The following TEX26 variants were observed in gnomAD, a reference collection of about 807,000 sequenced individuals.
The protein encoded by TEX26 is testis-expressed protein 26.
TEX26 carries 34 observed loss-of-function variants against 35.3 expected under a neutral mutation model. The ratio of observed to expected loss-of-function variants is 0.96; its 90% CI spans 0.73 to 1.28. TEX26 has a LOEUF of 1.28. TEX26 is among the 50% of genes most tolerant of loss of function. The pLI, the probability that TEX26 is intolerant of heterozygous loss-of-function variation, is 0.00. For synonymous variants in TEX26, 136 were observed against 111.8 expected (o/e 1.22, Z -1.36); for missense variants, 371 against 330.1 (o/e 1.12, Z -0.96).
chr13:30,961,823 T>C (rs1462867706), intron 4 of TEX26, among the ~76,000 whole-genome samples: 2 of 152,242 alleles, frequency 1.3e-5, no homozygotes, highest in African/African-American at 2.4e-5. Context: ...TGTTCTTGCA[T>C]TTCTGTGTTG....
chr13:30,936,847 G>T (rs947533361), intron 1 of TEX26: 1 of 985,408 alleles, frequency 1.0e-6, no homozygotes, highest in Non-Finnish European at 1.2e-6. Flanking sequence ...GTAGTGACTT[G>T]CAGAGAACAT....
At chr13:30,942,226 G>A (rs1274620459) in intron 2 of TEX26, among the ~76,000 whole-genome samples, 1 of 152,058 alleles carries the variant, frequency 6.6e-6, no homozygotes, top group Non-Finnish European at 1.5e-5. Flanking sequence ...TTGCAGGAGT[G>A]GGGTGGTATC....
intron 1 of TEX26, among the ~76,000 whole-genome samples, chr13:30,935,587 G>A (rs1312774140): frequency 1.3e-5 from 2 of 152,216 alleles, no homozygotes; most frequent in Admixed American, 1.3e-4. Context: ...CAGAAAGGAA[G>A]GAGTACCCTC....
intron 2 of TEX26, among the ~76,000 whole-genome samples, chr13:30,949,355 G>A (rs1953837466): frequency 6.6e-6 from 1 of 151,972 alleles, no homozygotes; most frequent in African/African-American, 2.4e-5. Context: ...TGAACATTTA[G>A]CTTATCCGGT....
In TEX26 at chr13:30,957,004, G is replaced by A. The variant is rs775828326; in HGVS notation, c.444G>A (p.Lys148=). 3 of 1,614,164 alleles carry A rather than the reference G, an allele frequency of 1.9e-6. No homozygotes were observed. Among genetic ancestry groups the A allele is most frequent in the South Asian group, 2.2e-5 (2 of 91,080 alleles). ...ALSNQFISLT[K]RDFVDRSKAQ... ...CAAATCAGTTTATTTCCCTTACTAA[G>A]AGAGACTTTGTGGACAGATCAAAAG... Residue 148 remains lysine, a synonymous_variant, in exon 4 of 7, where the codon AAG becomes AAA. Transcript: ENST00000380473.
chr13:30,972,443 G>A (rs951448711), intron 6 of TEX26, among the ~76,000 whole-genome samples: 2 of 151,198 alleles, frequency 1.3e-5, no homozygotes, highest in Non-Finnish European at 2.9e-5. Flanking sequence ...TCAGAAGAAA[G>A]GATTTTTTTC....
intron 2 of TEX26, among the ~76,000 whole-genome samples, chr13:30,951,850 G>A (rs1953932721): frequency 6.6e-6 from 1 of 150,938 alleles, no homozygotes; most frequent in African/African-American, 2.4e-5. Context: ...TTAAAAGGCA[G>A]TGGTTTGAAA....
At position 30,974,937 on chromosome 13, in the gene TEX26, C is replaced by T; in HGVS notation, c.*30C>T. ...GGAAAATAGTACAAATGAAGAAAAT[C>T]TGAAAATCAATGGAAGCACGAGGAC... On this transcript the variant is annotated 3_prime_UTR_variant, in exon 7 of 7. Transcript: ENST00000380473. The T allele has an allele frequency of 6.8e-7, 1 of 1,461,628 alleles. No individual in the cohort carries two copies. The highest frequency in any genetic ancestry group is 9.2e-7 in the Non-Finnish European group (1 of 1,081,268). 90.5% of individuals were successfully genotyped at this position (1,461,628 alleles called of 1,614,324 possible).
At chr13:30,936,952 T>C (rs1013298343) in intron 1 of TEX26, 8 of 985,448 alleles carry the variant, frequency 8.1e-6, no homozygotes, top group Non-Finnish European at 9.6e-6. Flanking sequence ...TACTGTACTT[T>C]CAGAAGCTTT....
At chr13:30,960,939 T>C (rs1286411112) in intron 4 of TEX26, among the ~76,000 whole-genome samples, 1 of 152,068 alleles carries the variant, frequency 6.6e-6, no homozygotes, top group Non-Finnish European at 1.5e-5. Flanking sequence ...ACAAAGGAGG[T>C]ATCAAATATA....
intron 3 of TEX26, among the ~76,000 whole-genome samples, chr13:30,956,445 G>A (rs1306097904): frequency 2.0e-5 from 3 of 152,152 alleles, no homozygotes; most frequent in African/African-American, 4.8e-5. Flanking sequence ...ACAAGAGAGT[G>A]CTGGCCATTC....
chr13:30,970,389 C>A, intron 6 of TEX26, among the ~76,000 whole-genome samples: 1 of 152,026 alleles, frequency 6.6e-6, no homozygotes, highest in Non-Finnish European at 1.5e-5. Context: ...GAGTATGATG[C>A]CTCCCTGCTC....
At chr13:30,966,641 G>A (rs1378004826) in intron 5 of TEX26, among the ~76,000 whole-genome samples, 1 of 152,068 alleles carries the variant, frequency 6.6e-6, no homozygotes, top group African/African-American at 2.4e-5. Context: ...ATTTTGCCAT[G>A]TTGGCCAGGC....
rs554917849 is a variant in TEX26, at chr13:30,952,577, T to C, written c.147-83T>C. Reference sequence around the variant, plus strand: ...CAATCAATCTTTTTAAAAAATGTAATGAGTAAAATGATTTGACATGTGTAC... The same window carrying C: ...CAATCAATCTTTTTAAAAAATGTAACGAGTAAAATGATTTGACATGTGTAC... On this transcript the variant is annotated intron_variant, in intron 2 of 6. Transcript: ENST00000380473. The C allele has an allele frequency of 9.7e-6, 11 of 1,139,290 alleles. No individual in the cohort carries two copies. In the East Asian group the frequency reaches 2.9e-4, roughly 30 times the overall value. 70.6% of individuals were successfully genotyped at this position (1,139,290 alleles called of 1,614,324 possible).
At chr13:30,947,296 A>G (rs1953747374) in intron 2 of TEX26, among the ~76,000 whole-genome samples, 1 of 152,120 alleles carries the variant, frequency 6.6e-6, no homozygotes, top group Non-Finnish European at 1.5e-5. Context: ...TCAGAATGAA[A>G]CTGCACTCAG....
intron 3 of TEX26, 88 bp downstream of exon 3, chr13:30,952,913 T>C: frequency 8.8e-7 from 1 of 1,135,158 alleles, no homozygotes. Flanking sequence ...GTCACAAAGA[T>C]CTCTCAGCTT....
intron 1 of TEX26, 60 bp from the exon 2 acceptor site, chr13:30,939,634 C>A: frequency 7.1e-7 from 1 of 1,412,080 alleles, no homozygotes. Flanking sequence ...ATTGTTAAAA[C>A]AACATTTCTT....
At chr13:30,944,454 C>T (rs1953627938) in intron 2 of TEX26, among the ~76,000 whole-genome samples, 1 of 151,330 alleles carries the variant, frequency 6.6e-6, no homozygotes, top group South Asian at 2.1e-4. Flanking sequence ...TTTTGTTCTT[C>T]TCCGATCTTA....
intron 4 of TEX26, among the ~76,000 whole-genome samples, chr13:30,958,688 G>T (rs1457163972): frequency 6.6e-6 from 1 of 152,150 alleles, no homozygotes; most frequent in African/African-American, 2.4e-5. Context: ...CCCTGAACAA[G>T]AACTTTATCT....
Sources: gnomAD v4.1 joint callset for allele counts (sites outside exome capture counted in the v4.1 genomes callset) on GRCh38, gnomAD v4.1.1 for gene constraint, MANE v1.5 for transcripts, NCBI Gene and HGNC (gene_info 2026-07-23, HGNC 2026-07-21) for gene names.